Variants in OR2T27 observed in about 807,000 individuals in gnomAD.
OR2T27 encodes the protein olfactory receptor 2T27.
For missense variants in OR2T27, 152 were observed against 397.2 expected, an observed-to-expected ratio of 0.38 and a Z score of 5.25; for synonymous variants, 51 against 152.9, an observed-to-expected ratio of 0.33 and a Z score of 4.92.
chr1:248,649,931 T>G lies in OR2T27; in HGVS notation c.954A>C (p.Ter318TyrextTer7), dbSNP rs765450264. ...GTCTCTAGCAGCATATGAAATTTCT[T>G]TAGAAAGTGGTTACCTTTCCTGAGG... is the stretch of plus-strand genomic sequence containing the variant. ...CVSSGKVTTF* is the reference protein window; with the variant it reads ...CVSSGKVTTFY The change falls in exon 2 of 2, where the codon TAA (stop) becomes TAC (tyrosine). Residue 318 changes from the stop codon to tyrosine (Y), a stop_lost. Transcript: ENST00000460972. 48 of 1,548,362 alleles carry G rather than the reference T, an allele frequency of 3.1e-5. No individual in the cohort carries two copies. The highest frequency in any genetic ancestry group is 4.2e-5 in the Non-Finnish European group (47 of 1,128,608).
rs140055914 is a variant in OR2T27 at position 248,649,860 on chromosome 1, A to G, written c.*71T>C. The G allele has an allele frequency of 8.8e-3, 9,311 of 1,055,940 alleles. 903 individuals are homozygous for G. In the African/African-American group the frequency reaches 0.14, roughly 16 times the overall value. 65.4% of individuals were successfully genotyped at this position (1,055,940 alleles called of 1,614,324 possible). ...GGTCACTTGTTTCCAGGCAGAGAAT[A>G]TTTAAATTCAAGGGCAATGATAAAG... On this transcript the variant is annotated 3_prime_UTR_variant, in exon 2 of 2. Transcript: ENST00000460972.
intron 1 of OR2T27, chr1:248,651,633 A>C (rs1234936731): frequency 2.8e-5 from 2 of 70,584 alleles, no homozygotes; most frequent in African/African-American, 5.6e-5. Flanking sequence ...TTATGAAAAA[A>C]TAAACTAGTT....
chr1:248,654,063 T>C (rs1475235992), intron 1 of OR2T27, among the ~76,000 whole-genome samples: 10 of 35,446 alleles, frequency 2.8e-4, no homozygotes, highest in African/African-American at 3.6e-4. Context: ...TATGCAACCA[T>C]TGGTTTATGA....
Sources: allele counts gnomAD v4.1 joint callset (sites outside exome capture counted in the v4.1 genomes callset), GRCh38; gene constraint gnomAD v4.1.1; transcripts MANE v1.5; gene names NCBI Gene and HGNC (gene_info 2026-07-23, HGNC 2026-07-21).